Variants in NMNAT3 observed in about 807,000 individuals in gnomAD.
NMNAT3 encodes the protein nicotinamide/nicotinic acid mononucleotide adenylyltransferase 3.
A neutral mutation model predicts 24.8 loss-of-function variants in NMNAT3; 21 were observed. The observed-to-expected ratio is 0.85, with a 90% CI of 0.60 to 1.22. The LOEUF (loss-of-function observed/expected upper bound fraction) is 1.22, where lower values mean the gene tolerates loss of function less well. Ranked by LOEUF, NMNAT3 falls within the 50% of genes most tolerant of loss-of-function variation. The pLI, the probability that NMNAT3 is intolerant of heterozygous loss-of-function variation, is 0.00. For synonymous variants in NMNAT3, 136 were observed against 155.2 expected (o/e 0.88, Z 0.92); for missense variants, 387 against 436.6 (o/e 0.89, Z 1.01).
intron 5 of NMNAT3, chr3:139,575,979 G>A (rs1034633792): frequency 1.6e-6 from 2 of 1,287,698 alleles, no homozygotes; most frequent in African/African-American, 1.5e-5. Flanking sequence ...GCCTCTCTGA[G>A]CCTCAGTTTC....
chr3:139,667,900 C>G (rs1342457107), intron 1 of NMNAT3, among the ~76,000 whole-genome samples: 1 of 152,186 alleles, frequency 6.6e-6, no homozygotes, highest in Non-Finnish European at 1.5e-5. Flanking sequence ...AACATGCTGA[C>G]TCTAGAGGCC....
chr3:139,669,367 C>A (rs905075417), intron 1 of NMNAT3, among the ~76,000 whole-genome samples: 25 of 150,980 alleles, frequency 1.7e-4, no homozygotes, highest in African/African-American at 5.8e-4. Flanking sequence ...CCCAGCTACT[C>A]CTGAGGCTGA....
At chr3:139,585,035 G>GA (rs1181944057) in intron 3 of NMNAT3, among the ~76,000 whole-genome samples, 1 of 151,934 alleles carries the variant, frequency 6.6e-6, no homozygotes, top group Admixed American at 6.6e-5. Flanking sequence ...ATAGGTGCTT[G>GA]AAAAAAATAT....
intron 3 of NMNAT3, among the ~76,000 whole-genome samples, chr3:139,625,619 T>C (rs897674856): frequency 3.9e-5 from 6 of 152,188 alleles, no homozygotes; most frequent in African/African-American, 1.2e-4. Context: ...TCATATATTT[T>C]ACTTCTACAT....
At chr3:139,612,715 C>T (rs1164851668) in intron 3 of NMNAT3, among the ~76,000 whole-genome samples, 1 of 152,126 alleles carries the variant, frequency 6.6e-6, no homozygotes, top group East Asian at 1.9e-4. Context: ...CTCCCATGGC[C>T]TAGTAAGCAC....
intron 6 of NMNAT3, chr3:139,569,859 C>G (rs1196183651): frequency 6.6e-6 from 1 of 152,104 alleles, no homozygotes; most frequent in African/African-American, 2.4e-5. Context: ...TTGTGGTATT[C>G]TCTGTATTTC....
At chr3:139,599,019 A>T in intron 3 of NMNAT3, 1 of 355,484 alleles carries the variant, frequency 2.8e-6, no homozygotes, top group South Asian at 4.9e-5. Context: ...AGAGCTGACC[A>T]TCCCCCTCAG....
At chr3:139,562,335 C>T (rs1401888402) in intron 6 of NMNAT3, among the ~76,000 whole-genome samples, 1 of 152,158 alleles carries the variant, frequency 6.6e-6, no homozygotes, top group Non-Finnish European at 1.5e-5. Flanking sequence ...AGAAGCCCTT[C>T]CTAGAGTTCC....
chr3:139,624,747 C>T (rs148378833), intron 3 of NMNAT3, among the ~76,000 whole-genome samples: 4 of 152,114 alleles, frequency 2.6e-5, no homozygotes, highest in Non-Finnish European at 5.9e-5. Flanking sequence ...CCGCGCCATG[C>T]GGAGACTTCT....
At chr3:139,579,130 G>A in intron 4 of NMNAT3, 75 bp from the exon 5 acceptor site, 2 of 1,249,050 alleles carry the variant, frequency 1.6e-6, no homozygotes, top group Admixed American at 2.0e-5. Flanking sequence ...TCAGGCAGGT[G>A]CTAAATGTCT....
At chr3:139,610,967 C>G (rs1014658277) in intron 3 of NMNAT3, among the ~76,000 whole-genome samples, 3 of 152,146 alleles carry the variant, frequency 2.0e-5, no homozygotes, top group African/African-American at 7.2e-5. Context: ...ATGCAAGTCA[C>G]TGAGAGGAAA....
chr3:139,649,204 C>A (rs77431639), intron 1 of NMNAT3, among the ~76,000 whole-genome samples: 4 of 151,998 alleles, frequency 2.6e-5, no homozygotes, highest in Non-Finnish European at 5.9e-5. Context: ...CAAACAGTGG[C>A]GACCCTCAGT....
At chr3:139,634,616 T>C (rs1314295640) in intron 2 of NMNAT3, 2 of 152,154 alleles carry the variant, frequency 1.3e-5, no homozygotes, top group Admixed American at 1.3e-4. Context: ...CATACCTTCC[T>C]TGTCGGTGTA....
chr3:139,621,491 C>T (rs1021500226), intron 3 of NMNAT3, among the ~76,000 whole-genome samples: 2 of 152,180 alleles, frequency 1.3e-5, no homozygotes, highest in Non-Finnish European at 2.9e-5. Context: ...CATGCCTCTG[C>T]CTCCCGAGTA....
chr3:139,564,923 A>G (rs779546821), intron 6 of NMNAT3, among the ~76,000 whole-genome samples: 1 of 152,198 alleles, frequency 6.6e-6, no homozygotes, highest in East Asian at 1.9e-4. Context: ...AACAATATTA[A>G]TTCTGCTTTC....
intron 3 of NMNAT3, among the ~76,000 whole-genome samples, chr3:139,613,169 A>G (rs1398510065): frequency 2.6e-5 from 4 of 152,196 alleles, no homozygotes; most frequent in Admixed American, 6.5e-5. Flanking sequence ...CCGCACAGCA[A>G]AAGAAACTAC....
chr3:139,658,662 GCTTA>G (rs1172320504), intron 1 of NMNAT3, among the ~76,000 whole-genome samples: 3 of 151,976 alleles, frequency 2.0e-5, no homozygotes, highest in African/African-American at 7.2e-5. Context: ...TGGCAATCTC[GCTTA>G]CTGTTTTTGA....
chr3:139,600,983 G>T (rs903591330), intron 3 of NMNAT3, among the ~76,000 whole-genome samples: 1 of 152,100 alleles, frequency 6.6e-6, no homozygotes, highest in Admixed American at 6.5e-5. Flanking sequence ...CAAATGCTAG[G>T]GTCTCATGGC....
chr3:139,651,100 G>C (rs2057042149), intron 1 of NMNAT3, among the ~76,000 whole-genome samples: 1 of 152,100 alleles, frequency 6.6e-6, no homozygotes, highest in African/African-American at 2.4e-5. Context: ...AAATGTGTTG[G>C]AAAATAAGAA....
Sources: gnomAD v4.1 joint callset for allele counts (sites outside exome capture counted in the v4.1 genomes callset) on GRCh38, gnomAD v4.1.1 for gene constraint, MANE v1.5 for transcripts, NCBI Gene and HGNC (gene_info 2026-07-23, HGNC 2026-07-21) for gene names.